Variants in CD109 observed in about 807,000 individuals in gnomAD.
CD109 encodes the protein CD109 antigen.
CD109 carries 149 observed loss-of-function variants against 165.8 expected under a neutral mutation model. The ratio of observed to expected loss-of-function variants is 0.90; its 90% confidence interval spans 0.79 to 1.03. The LOEUF is 1.03. CD109 is among the 50% of genes least tolerant of loss of function. The pLI is 0.00. For missense variants in CD109, 1,712 were observed against 1,677.8 expected (o/e 1.02, Z -0.36); for synonymous variants, 585 against 592.1 (o/e 0.99, Z 0.18).
At position 73,788,621 on chromosome 6, in the gene CD109, A is replaced by G. The variant is rs758612993; in HGVS notation, c.2701+9A>G. On this transcript the variant is annotated intron_variant, in intron 22 of 32. Transcript: ENST00000287097. The stretch of plus-strand genomic sequence containing the variant: ...TCAGATCACTGCAATTGGTAAGAAT[A>G]GAGTATATCACCATCTATTGGTTTA... The G allele has an allele frequency of 9.4e-6, 15 of 1,603,724 alleles. No individual in the cohort carries two copies. In the South Asian group the frequency reaches 1.7e-4, roughly 18 times the overall value.
chr6:73,782,658 G>A lies in CD109; in HGVS notation c.2008G>A (p.Gly670Arg). 6.2e-7 allele frequency: 1 copy of A among 1,613,716 alleles called. No homozygotes were observed. ...YAERFMEENE[G>R]HIVDIHDFSL... is the part of the protein sequence containing the mutation. ...TGAGAGGTTTATGGAGGAAAATGAA[G>A]GACATATTGTAGATATTCATGACTT... Residue 670 changes from glycine to arginine, a missense_variant, in exon 18 of 33, where the codon GGA becomes AGA. Coordinates refer to ENST00000287097, the MANE Select transcript of CD109 (RefSeq NM_133493.5).
At chr6:73,696,472 T>C (rs1191888531) in intron 1 of CD109, among the ~76,000 whole-genome samples, 183 bp downstream of exon 1, 1 of 152,204 alleles carries the variant, frequency 6.6e-6, no homozygotes, top group Non-Finnish European at 1.5e-5. Flanking sequence ...TCAGCGTGGC[T>C]CTCCATGGGA....
At chr6:73,717,289 AT>A (rs202138461) in intron 2 of CD109, among the ~76,000 whole-genome samples, 6 of 143,834 alleles carry the variant, frequency 4.2e-5, no homozygotes, top group Non-Finnish European at 7.6e-5. Context: ...AAATTTTAGG[AT>A]TTTTTTTCTA....
At position 73,806,825 on chromosome 6, in the gene CD109, T is replaced by C. The variant is rs1403895599; in HGVS notation, c.2961-19T>C. ...CTTATAAAGTGTATTTTATGTAATT[T>C]TTTTCTCTTTTCATAAAGGTTGTCA... On this transcript the variant is annotated intron_variant, in intron 24 of 32. Coordinates refer to ENST00000287097, the MANE Select transcript of CD109 (RefSeq NM_133493.5). 1 of 1,582,552 alleles carries C rather than the reference T, an allele frequency of 6.3e-7. No homozygotes were observed. The highest frequency in any genetic ancestry group is 2.2e-5 in the East Asian group (1 of 44,554).
At chr6:73,700,421 T>C (rs939813762) in intron 2 of CD109, among the ~76,000 whole-genome samples, 15 of 151,928 alleles carry the variant, frequency 9.9e-5, no homozygotes, top group Non-Finnish European at 2.1e-4. Flanking sequence ...CAACAGAAGG[T>C]TGGTTTTAAT....
intron 5 of CD109, among the ~76,000 whole-genome samples, chr6:73,751,875 A>T (rs1285673132): frequency 1.3e-5 from 2 of 152,204 alleles, no homozygotes; most frequent in Non-Finnish European, 2.9e-5. Context: ...TGATGGGTTA[A>T]GAGTTACAAA....
At position 73,730,412 on chromosome 6, in the gene CD109, A is replaced by T. The variant is rs1421308224; in HGVS notation, c.345A>T (p.Leu115Phe). 1.9e-6 allele frequency: 3 copies of T among 1,613,894 alleles called. No individual in the cohort carries two copies. The East Asian group carries it at 6.7e-5, about 36-fold the overall frequency. The change falls in exon 4 of 33, where the codon TTA (leucine) becomes TTT (phenylalanine). Residue 115 changes from leucine (L) to phenylalanine (F), a missense_variant. By Grantham distance (22) the Leu-to-Phe change is conservative. Transcript: ENST00000287097. ...RVTGRTQDEILFSNSTRLSFE... is the reference protein window; with the variant it reads ...RVTGRTQDEIFFSNSTRLSFE... ...CCGGACGTACCCAGGATGAGATTTTATTCTCTAATAGTACCCGCTTATCAT... is the reference window on the plus strand; with the variant it reads ...CCGGACGTACCCAGGATGAGATTTTTTTCTCTAATAGTACCCGCTTATCAT...
At chr6:73,743,862 A>G (rs1051093220) in intron 5 of CD109, among the ~76,000 whole-genome samples, 1 of 152,228 alleles carries the variant, frequency 6.6e-6, no homozygotes, top group Non-Finnish European at 1.5e-5. Context: ...AAGGATCTCA[A>G]ACTCTTACTT....
intron 5 of CD109, among the ~76,000 whole-genome samples, chr6:73,742,576 C>G (rs1162938068): frequency 2.0e-5 from 3 of 152,240 alleles, no homozygotes; most frequent in African/African-American, 7.2e-5. Flanking sequence ...TTGCGTGACC[C>G]ACGCACTGGT....
At position 73,756,627 on chromosome 6, in the gene CD109, C is replaced by G. The variant is rs547903162; in HGVS notation, c.634-16C>G. On this transcript the variant is annotated splice_polypyrimidine_tract_variant and intron_variant, in intron 5 of 32. Coordinates refer to ENST00000287097, the MANE Select transcript of CD109 (RefSeq NM_133493.5). ...TCATATACTTTCCTGTCTTTTTTTT[C>G]TCCCCTGCCCAATAGGACCAGACAT... 79 of 1,517,774 alleles carry G rather than the reference C, an allele frequency of 5.2e-5. 1 individual carries two copies. The South Asian group carries it at 9.3e-4, about 18-fold the overall frequency. The allele number at this position is 1,517,774 out of a possible 1,614,324, so 94.0% of individuals were successfully genotyped here.
Position 73,776,544 on chromosome 6 carries a change from G to T in CD109, c.1828-3880G>T, listed in dbSNP as rs546843184. On this transcript the variant is annotated intron_variant, in intron 15 of 32. Transcript: ENST00000287097. ...TGGGATTGCAGGCGTGAGCCACCAC[G>T]CAAGTGGCCTTTTTTTTTTTTTTTT... 1.5e-4 allele frequency among the ~76,000 whole-genome samples: 21 copies of T among 138,866 alleles called. No homozygotes were observed. The South Asian group carries it at 2.6e-3, about 17-fold the overall frequency. The allele number at this position is 138,866 out of a possible 152,430, so 91.1% of individuals were successfully genotyped here.
At chr6:73,749,380 A>G (rs1773101314) in intron 5 of CD109, among the ~76,000 whole-genome samples, 2 of 152,118 alleles carry the variant, frequency 1.3e-5, no homozygotes, top group Admixed American at 1.3e-4. Context: ...AGGGGACTGT[A>G]GGATTTGGAT....
At chr6:73,762,016 G>T (rs1773654580) in intron 7 of CD109, among the ~76,000 whole-genome samples, 1 of 151,970 alleles carries the variant, frequency 6.6e-6, no homozygotes, top group Non-Finnish European at 1.5e-5. Flanking sequence ...AGGCTGGAGT[G>T]CAGTGATGCG....
chr6:73,809,123 T>A (rs1187608034), intron 26 of CD109, among the ~76,000 whole-genome samples: 1 of 152,070 alleles, frequency 6.6e-6, no homozygotes, highest in Admixed American at 6.6e-5. Context: ...CTAAGTGTAG[T>A]CATCATCTAA....
intron 10 of CD109, 55 bp from the exon 11 acceptor site, chr6:73,765,875 A>G: frequency 8.0e-7 from 1 of 1,256,550 alleles, no homozygotes; most frequent in Non-Finnish European, 1.1e-6. Context: ...CGGAAACTGT[A>G]TTTAATCGTA....
intron 5 of CD109, among the ~76,000 whole-genome samples, chr6:73,748,755 T>C (rs1773076476): frequency 6.6e-6 from 1 of 152,170 alleles, no homozygotes; most frequent in South Asian, 2.1e-4. Context: ...TAGAGAAATA[T>C]GTTGCAACTA....
At chr6:73,817,344 C>T (rs1193833240) in intron 30 of CD109, among the ~76,000 whole-genome samples, 1 of 151,466 alleles carries the variant, frequency 6.6e-6, no homozygotes, top group Non-Finnish European at 1.5e-5. Flanking sequence ...ATATTTTTTT[C>T]TCATATGCAA....
chr6:73,710,657 A>C (rs576282693), intron 2 of CD109, among the ~76,000 whole-genome samples: 18 of 152,282 alleles, frequency 1.2e-4, no homozygotes, highest in African/African-American at 4.3e-4. Context: ...ATGCCTGACC[A>C]CAAGCCTGTG....
At chr6:73,731,204 G>A (rs1322869070) in intron 4 of CD109, among the ~76,000 whole-genome samples, 4 of 152,146 alleles carry the variant, frequency 2.6e-5, no homozygotes, top group Non-Finnish European at 4.4e-5. Flanking sequence ...GTGCCACCAC[G>A]TCTGCCTAAA....
Sources: allele counts gnomAD v4.1 joint callset (sites outside exome capture counted in the v4.1 genomes callset), GRCh38; gene constraint gnomAD v4.1.1; transcripts MANE v1.5; gene names NCBI Gene and HGNC (gene_info 2026-07-23, HGNC 2026-07-21).